SPRED2: variants seen among roughly 807,000 people sequenced by gnomAD.
SPRED2 encodes sprouty-related, EVH1 domain-containing protein 2.
In SPRED2, 47 loss-of-function variants were observed where a neutral mutation model predicts 43.0. That is an observed-to-expected ratio of 1.09 (90% CI 0.87 to 1.40). SPRED2 has a LOEUF of 1.40. Among genes scored for constraint, SPRED2 ranks in the 40% most tolerant of loss-of-function variants. The pLI is 0.00. For missense variants in SPRED2, 561 were observed against 586.4 expected (o/e 0.96, Z 0.45); for synonymous variants, 225 against 225.7 (o/e 1.00, Z 0.03).
At chr2:65,422,629 A>C (rs1156480094) in intron 1 of SPRED2, among the ~76,000 whole-genome samples, 1 of 152,076 alleles carries the variant, frequency 6.6e-6, no homozygotes, top group Non-Finnish European at 1.5e-5. Flanking sequence ...GCCTAAGTAC[A>C]TTCTAAATTC....
At chr2:65,386,693 C>T (rs1345461154) in intron 1 of SPRED2, among the ~76,000 whole-genome samples, 1 of 152,140 alleles carries the variant, frequency 6.6e-6, no homozygotes, top group Non-Finnish European at 1.5e-5. Context: ...AAAGCTCGGA[C>T]TATCTATATA....
chr2:65,354,548 T>C (rs1432580271), intron 1 of SPRED2, among the ~76,000 whole-genome samples: 1 of 137,000 alleles, frequency 7.3e-6, no homozygotes, highest in Non-Finnish European at 1.6e-5. Flanking sequence ...TACAGTGCTC[T>C]CATGAAAAAA....
rs574258700 is a variant in SPRED2, at chr2:65,373,548, T to C, written c.27-28652A>G. Among the ~76,000 whole-genome samples the C allele has an allele frequency of 1.3e-4, 20 of 152,352 alleles. No homozygotes were observed. The South Asian group carries it at 2.3e-3, about 17-fold the overall frequency. ...GTCAATATTAGCTATGGTTATGTAA[T>C]ATGCAAACACTGAGTTTTAGAATTA... On this transcript the variant is annotated intron_variant, in intron 1 of 5. Transcript: ENST00000356388.
In SPRED2 at chr2:65,334,853, C is replaced by T. The variant is rs1246106474; in HGVS notation, c.205-80G>A. 2.0e-6 allele frequency: 3 copies of T among 1,487,438 alleles called. No individual in the cohort carries two copies. The Admixed American group carries it at 5.2e-5, about 26-fold the overall frequency. The allele number at this position is 1,487,438 out of a possible 1,614,324, so 92.1% of individuals were successfully genotyped here. A position where few individuals can be genotyped will look rare whatever the true frequency, so the allele number is the denominator to read the frequency against. ...TGGTTACAGAAGTCTAATTAGGAAC[C>T]ATCACTGGTGGCAACTACCAAAACC... On this transcript the variant is annotated intron_variant, in intron 2 of 5. Transcript: ENST00000356388.
intron 4 of SPRED2, among the ~76,000 whole-genome samples, chr2:65,322,264 CTCTCTCTATATA>C (rs1271460760): frequency 1.6e-4 from 9 of 56,926 alleles, no homozygotes; most frequent in African/African-American, 6.0e-4. Context: ...CTCTCTCTCT[CTCTCTCTATATA>C]TATATATATA....
At chr2:65,355,542 GCTCGT>G (rs1674624224) in intron 1 of SPRED2, among the ~76,000 whole-genome samples, 1 of 152,082 alleles carries the variant, frequency 6.6e-6, no homozygotes, top group African/African-American at 2.4e-5. Flanking sequence ...CATGGAGAAA[GCTCGT>G]CTCCATCAAA....
At chr2:65,386,856 T>TA (rs1485162565) in intron 1 of SPRED2, among the ~76,000 whole-genome samples, 2 of 152,184 alleles carry the variant, frequency 1.3e-5, no homozygotes, top group African/African-American at 4.8e-5. Context: ...CCCTAAAACT[T>TA]AAAGTATAAT....
At chr2:65,372,185 C>G (rs1216204809) in intron 1 of SPRED2, among the ~76,000 whole-genome samples, 1 of 152,168 alleles carries the variant, frequency 6.6e-6, no homozygotes, top group African/African-American at 2.4e-5. Flanking sequence ...CACATTCTCC[C>G]AAAGCCCACT....
At chr2:65,332,135 A>G (rs1427022591) in intron 3 of SPRED2, 84 bp from the exon 4 acceptor site, 4 of 825,750 alleles carry the variant, frequency 4.8e-6, no homozygotes, top group Non-Finnish European at 7.5e-6. Context: ...TTTTAATAAA[A>G]CCACATTCCA....
intron 1 of SPRED2, 127 bp from the exon 2 acceptor site, chr2:65,345,023 C>T (rs1016672443): frequency 8.5e-5 from 74 of 867,550 alleles, no homozygotes; most frequent in Middle Eastern, 3.7e-4. Context: ...CTATGCTTGG[C>T]GGCAACCTTA....
chr2:65,322,294 A>ATATATATATAT (rs1350932295), intron 4 of SPRED2, among the ~76,000 whole-genome samples: 1 of 64,936 alleles, frequency 1.5e-5, no homozygotes, highest in African/African-American at 7.1e-5. Flanking sequence ...ATATATATAT[A>ATATATATATAT]TTTTTTTTTT....
chr2:65,406,495 T>C lies in SPRED2; in HGVS notation c.26+25467A>G, dbSNP rs552424100. The stretch of plus-strand genomic sequence containing the variant: ...GTTTGTTTGTAAGACTGCAAGCTTT[T>C]AGAAAGGCAGTGACAAGGAGCCTCA... On this transcript the variant is annotated intron_variant, in intron 1 of 5. Coordinates refer to ENST00000356388, the MANE Select transcript of SPRED2 (RefSeq NM_181784.3). Among the ~76,000 whole-genome samples, 19 of 152,360 alleles carry C rather than the reference T, an allele frequency of 1.2e-4. No homozygotes were observed. The South Asian group carries it at 3.9e-3, about 32-fold the overall frequency.
Position 65,311,965 on chromosome 2 carries a change from G to T in SPRED2, c.*1536C>A. 1 of 985,356 alleles carries T rather than the reference G, an allele frequency of 1.0e-6. No individual in the cohort carries two copies. The highest frequency in any genetic ancestry group is 1.2e-6 in the Non-Finnish European group (1 of 829,942). 61.0% of individuals were successfully genotyped at this position (985,356 alleles called of 1,614,324 possible). On this transcript the variant is annotated 3_prime_UTR_variant, in exon 6 of 6. Coordinates refer to ENST00000356388, the MANE Select transcript of SPRED2 (RefSeq NM_181784.3). ...TGGGGAGCAGGCCATGTCTTCTGCT[G>T]GCCGCTACCACAGAAAGATCGTGGC...
intron 1 of SPRED2, among the ~76,000 whole-genome samples, chr2:65,420,357 C>A (rs1462587067): frequency 6.6e-6 from 1 of 152,146 alleles, no homozygotes; most frequent in African/African-American, 2.4e-5. Context: ...TTTAGTACCC[C>A]TTTTGGGGGG....
At chr2:65,403,654 A>G (rs1248953228) in intron 1 of SPRED2, among the ~76,000 whole-genome samples, 2 of 152,210 alleles carry the variant, frequency 1.3e-5, no homozygotes, top group Admixed American at 6.5e-5. Flanking sequence ...TCCAAGGAGT[A>G]GCATCATGGG....
At chr2:65,388,013 G>A (rs1206057058) in intron 1 of SPRED2, among the ~76,000 whole-genome samples, 1 of 152,046 alleles carries the variant, frequency 6.6e-6, no homozygotes, top group Non-Finnish European at 1.5e-5. Flanking sequence ...GGTTGGTCTC[G>A]AACTCCTGAC....
intron 4 of SPRED2, among the ~76,000 whole-genome samples, chr2:65,320,429 G>A (rs879136197): frequency 2.0e-5 from 3 of 152,132 alleles, no homozygotes; most frequent in South Asian, 2.1e-4. Flanking sequence ...GCTACCTTCC[G>A]ATATTCCCAT....
chr2:65,376,705 C>G (rs1454775939), intron 1 of SPRED2, among the ~76,000 whole-genome samples: 1 of 152,116 alleles, frequency 6.6e-6, no homozygotes, highest in Non-Finnish European at 1.5e-5. Flanking sequence ...CTGTTTATCT[C>G]TTCACAGTCT....
In SPRED2 at chr2:65,322,242, C is replaced by A. The variant is rs1177702920; in HGVS notation, c.439-5359G>T. Reference sequence around the variant, plus strand: ...TTGGTCTCCTTTCCTCTCTCTCTCTCTCTCTCTCTCTCTCTCTCTCTCTCT... The same window carrying A: ...TTGGTCTCCTTTCCTCTCTCTCTCTATCTCTCTCTCTCTCTCTCTCTCTCT... On this transcript the variant is annotated intron_variant, in intron 4 of 5. Transcript: ENST00000356388. Among the ~76,000 whole-genome samples the A allele has an allele frequency of 8.5e-3, 532 of 62,744 alleles. 10 individuals are homozygous for A. Among genetic ancestry groups the A allele is most frequent in the African/African-American group, 0.042 (506 of 11,990 alleles). The allele number at this position is 62,744 out of a possible 152,430, so 41.2% of individuals were successfully genotyped here. A position where few individuals can be genotyped will look rare whatever the true frequency, so the allele number is the denominator to read the frequency against.
Sources: allele counts gnomAD v4.1 joint callset (sites outside exome capture counted in the v4.1 genomes callset), GRCh38; gene constraint gnomAD v4.1.1; transcripts MANE v1.5; gene names NCBI Gene and HGNC (gene_info 2026-07-23, HGNC 2026-07-21).